MAX: variants seen among roughly 807,000 people sequenced by gnomAD.
MAX encodes MYC associated transcriptional regulator X.
A neutral mutation model predicts 22.3 loss-of-function variants in MAX; 3 were observed. The ratio of observed to expected loss-of-function variants is 0.13; its 90% CI spans 0.06 to 0.35. The LOEUF is 0.35. MAX is among the 10% of genes least tolerant of loss of function. The pLI is 1.00. For synonymous variants in MAX, 72 were observed against 77.7 expected, an observed-to-expected ratio of 0.93 and a Z score of 0.39; for missense variants, 119 against 209.4, an observed-to-expected ratio of 0.57 and a Z score of 2.66.
downstream of MAX, among the ~76,000 whole-genome samples, chr14:65,072,661 T>G (rs1212799487): frequency 6.6e-6 from 1 of 152,212 alleles, no homozygotes. Flanking sequence ...CAAGCAGCCC[T>G]GGGCATGATC....
At chr14:65,035,008 T>A (rs2062157482) in intron 3 of MAX, among the ~76,000 whole-genome samples, 2 of 152,248 alleles carry the variant, frequency 1.3e-5, no homozygotes, top group African/African-American at 4.8e-5. Context: ...AGAGCTCAGT[T>A]CTTGCTTAGA....
Position 65,011,361 on chromosome 14 carries a change from G to A in MAX, c.172-5077C>T, listed in dbSNP as rs1277863581. 6.6e-6 allele frequency among the ~76,000 whole-genome samples: 1 copy of A among 151,328 alleles called. No homozygotes were observed. The highest frequency in any genetic ancestry group is 1.9e-4 in the East Asian group (1 of 5,164). On this transcript the variant is annotated intron_variant, in intron 3 of 3. Transcript: ENST00000341653. This position sits in a 1 kb window ranked among gnomAD's most constrained non-coding sequence, Gnocchi z 4.0. The stretch of plus-strand genomic sequence containing the variant: ...GGAGAATAGCTTGAACCCAAGAGGT[G>A]GAGGTTGCAGTAAGCTGAAATCACA...
intron 3 of MAX, among the ~76,000 whole-genome samples, chr14:65,048,794 G>A (rs923938462): frequency 1.3e-5 from 2 of 152,182 alleles, no homozygotes; most frequent in Admixed American, 1.3e-4. Flanking sequence ...GGCAGAGGTT[G>A]CAGGCAGAGA....
At position 65,057,389 on chromosome 14, in the gene MAX, A is replaced by C. The variant is rs951799489; in HGVS notation, c.171+36319T>G. On this transcript the variant is annotated intron_variant, in intron 3 of 3. Transcript: ENST00000341653. ...GGCTGCAGTGAGCTCTGTTTGCTCC[A>C]GTCTGGGAGATAGAGTGAGACCCTG... Among the ~76,000 whole-genome samples the C allele has an allele frequency of 1.2e-4, 18 of 152,312 alleles. No individual in the cohort carries two copies. The East Asian group carries it at 1.7e-3, about 15-fold the overall frequency.
intron 3 of MAX, among the ~76,000 whole-genome samples, chr14:65,089,756 T>TAAAAAAAAAAAAAAA: frequency 2.8e-5 from 1 of 36,096 alleles, no homozygotes; most frequent in Non-Finnish European, 5.8e-5. Flanking sequence ...AGCATCTCTG[T>TAAAAAAAAAAAAAAA]AAAAAAAAAA....
At chr14:65,037,415 T>TTTTTTTTTTTTTTTTTTTTTTTTTTTTG (rs2062223373) in intron 3 of MAX, among the ~76,000 whole-genome samples, 1 of 92,018 alleles carries the variant, frequency 1.1e-5, no homozygotes, top group Non-Finnish European at 2.0e-5. Context: ...TTTTTTTTTT[T>TTTTTTTTTTTTTTTTTTTTTTTTTTTTG]TTTTTTTTTT....
rs1341248586 is a variant in MAX at position 65,050,030 on chromosome 14, TCA to T, written c.171+43676_171+43677del. ...TTAAAAATTTTAAAAAGTTTTAAAC[TCA>T]CATAACCAAAACAGAGGAGCAAAAA... On this transcript the variant is annotated intron_variant, in intron 3 of 3. Transcript: ENST00000341653. 4.6e-5 allele frequency among the ~76,000 whole-genome samples: 7 copies of T among 152,246 alleles called. No individual in the cohort carries two copies. In the East Asian group the frequency reaches 1.2e-3, roughly 25 times the overall value.
intron 3 of MAX, among the ~76,000 whole-genome samples, chr14:65,052,017 G>A (rs191250048): frequency 6.6e-5 from 10 of 151,870 alleles, no homozygotes; most frequent in African/African-American, 9.7e-5. Flanking sequence ...GGATGGTCTC[G>A]ATCTCCTGAC....
chr14:65,019,010 T>C (rs879264551), intron 3 of MAX, among the ~76,000 whole-genome samples: 40 of 151,988 alleles, frequency 2.6e-4, no homozygotes, highest in South Asian at 6.2e-4. Context: ...GGAGGCTGTT[T>C]GTTTGTTTTT....
chr14:65,081,929 G>A (rs1485078979), intron 3 of MAX: 8 of 152,112 alleles, frequency 5.3e-5, no homozygotes, highest in Non-Finnish European at 8.8e-5. Context: ...AAGGGATACT[G>A]GGCAGCCTTG....
At chr14:65,102,536 C>T, upstream of MAX, 2 of 1,447,612 alleles carry the variant, frequency 1.4e-6, no homozygotes, top group South Asian at 1.4e-5. Context: ...GGATCAACGG[C>T]GGCACGCACG....
chr14:65,091,552 A>C (rs1321255003), intron 3 of MAX, among the ~76,000 whole-genome samples: 1 of 151,758 alleles, frequency 6.6e-6, no homozygotes, highest in Non-Finnish European at 1.5e-5. Context: ...ATTCCACTCT[A>C]CCCACTCTGG....
At chr14:65,042,579 C>G (rs1234745712) in intron 3 of MAX, among the ~76,000 whole-genome samples, 1 of 152,188 alleles carries the variant, frequency 6.6e-6, no homozygotes, top group Non-Finnish European at 1.5e-5. Flanking sequence ...ACCCACCACT[C>G]ATGTCCTGCT....
Position 65,044,580 on chromosome 14 carries a change from C to G in MAX, c.172-38296G>C. On this transcript the variant is annotated intron_variant, in intron 3 of 3. Transcript: ENST00000341653. The surrounding 1 kb of genome is among the most constrained non-coding windows in gnomAD (Gnocchi z 5.5). ...TGGATTTTGAGTGCCCAGTGTGGAACCTCATGCCGTGGGGCATGCGAATGC... is the reference window on the plus strand; with the variant it reads ...TGGATTTTGAGTGCCCAGTGTGGAAGCTCATGCCGTGGGGCATGCGAATGC... 7.7e-7 allele frequency: 1 copy of G among 1,300,412 alleles called. No homozygotes were observed. The highest frequency in any genetic ancestry group is 1.0e-6 in the Non-Finnish European group (1 of 977,352). 80.6% of individuals were successfully genotyped at this position (1,300,412 alleles called of 1,614,324 possible).
At chr14:65,100,382 G>A (rs1245289658) in intron 2 of MAX, among the ~76,000 whole-genome samples, 1 of 152,110 alleles carries the variant, frequency 6.6e-6, no homozygotes, top group Non-Finnish European at 1.5e-5. Context: ...CCCAGGAGGC[G>A]GAGGTTGCAG....
chr14:65,041,287 T>G (rs555478070), intron 3 of MAX, among the ~76,000 whole-genome samples: 1 of 152,176 alleles, frequency 6.6e-6, no homozygotes, highest in Non-Finnish European at 1.5e-5. Flanking sequence ...AAACCAAACT[T>G]TTATTACCTG....
chr14:65,068,673 G>T (rs7152277), intron 3 of MAX, among the ~76,000 whole-genome samples: 4 of 151,874 alleles, frequency 2.6e-5, no homozygotes, highest in African/African-American at 7.3e-5. Flanking sequence ...TCCTTTGTCT[G>T]TTTAACAGAC....
chr14:65,042,973 G>T lies in MAX; in HGVS notation c.172-36689C>A, dbSNP rs550945716. Among the ~76,000 whole-genome samples, 221 of 152,312 alleles carry T rather than the reference G, an allele frequency of 1.5e-3. 1 individual carries two copies. The highest frequency in any genetic ancestry group is 5.0e-3 in the African/African-American group (208 of 41,560). On this transcript the variant is annotated intron_variant, in intron 3 of 3. Transcript: ENST00000341653. ...CATTTGTGACTGTGACTCTCTATGGGCAGGTGTTGCCTTGAAGAGGGAATA... is the reference window on the plus strand; with the variant it reads ...CATTTGTGACTGTGACTCTCTATGGTCAGGTGTTGCCTTGAAGAGGGAATA...
chr14:65,053,191 C>G lies in MAX; in HGVS notation c.171+40517G>C, dbSNP rs762189210. 3.1e-6 allele frequency: 4 copies of G among 1,307,564 alleles called. No individual in the cohort carries two copies. The African/African-American group carries it at 6.1e-5, about 20-fold the overall frequency. The allele number at this position is 1,307,564 out of a possible 1,614,324, so 81.0% of individuals were successfully genotyped here. ...AGAAAGTGGAATTAGGTCATTGATA[C>G]TTGGCTGGATCTGCCGGGCCCTTAC... On this transcript the variant is annotated intron_variant, in intron 3 of 3. Transcript: ENST00000341653.
Sources: gnomAD v4.1 joint callset for allele counts (sites outside exome capture counted in the v4.1 genomes callset) on GRCh38, gnomAD v4.1.1 for gene constraint, Gnocchi (gnomAD v3.1) non-coding constraint, MANE v1.5 for transcripts, NCBI Gene and HGNC (gene_info 2026-07-23, HGNC 2026-07-21) for gene names.